MAP3K13: variants seen among roughly 807,000 people sequenced by gnomAD.
The protein encoded by MAP3K13 is leucine zipper-bearing kinase.
A neutral mutation model predicts 104.0 loss-of-function variants in MAP3K13; 52 were observed. The observed-to-expected ratio is 0.50, with a 90% confidence interval of 0.40 to 0.63. The LOEUF is 0.63. Among genes scored for constraint, MAP3K13 ranks in the 20% least tolerant of loss-of-function variants. The pLI is 0.00. For missense variants in MAP3K13, 914 were observed against 1,218.5 expected (o/e 0.75, Z 3.72); for synonymous variants, 394 against 442.2 (o/e 0.89, Z 1.37).
Position 185,355,466 on chromosome 3 carries a change from CAAA to C in MAP3K13, c.-86+69839_-86+69841del, listed in dbSNP as rs10554957. Among the ~76,000 whole-genome samples the C allele has an allele frequency of 3.6e-3, 488 of 135,938 alleles. 3 individuals are homozygous for C. The highest frequency in any genetic ancestry group is 9.6e-3 in the African/African-American group (346 of 35,992). 89.2% of individuals were successfully genotyped at this position (135,938 alleles called of 152,430 possible). On this transcript the variant is annotated intron_variant, in intron 2 of 14. Transcript: ENST00000424227. ...TGGGTGTCAGAGCGAAACTCTGTCT[CAAA>C]AAAAAAAAAAAAAAATTAGCCGGAC...
chr3:185,457,084 A>G (rs1353648552), intron 7 of MAP3K13, among the ~76,000 whole-genome samples: 1 of 152,132 alleles, frequency 6.6e-6, no homozygotes, highest in Non-Finnish European at 1.5e-5. Context: ...CCAGTCACAC[A>G]TTTTGAGAAC....
intron 2 of MAP3K13, among the ~76,000 whole-genome samples, chr3:185,310,846 AT>A (rs1441400950): frequency 6.6e-6 from 1 of 152,090 alleles, no homozygotes; most frequent in Non-Finnish European, 1.5e-5. Flanking sequence ...TATCATTGCC[AT>A]TTTTCTTTGT....
Position 185,482,732 on chromosome 3 carries a change from T to C in MAP3K13, c.*276T>C. 2 of 343,006 alleles carry C rather than the reference T, an allele frequency of 5.8e-6. No homozygotes were observed. The highest frequency in any genetic ancestry group is 7.0e-5 in the South Asian group (1 of 14,240). The allele number at this position is 343,006 out of a possible 1,614,324, so 21.2% of individuals were successfully genotyped here. On this transcript the variant is annotated 3_prime_UTR_variant, in exon 14 of 14. Coordinates refer to ENST00000265026, the MANE Select transcript of MAP3K13 (RefSeq NM_004721.5). The surrounding 1 kb of genome is among the most constrained non-coding windows in gnomAD (Gnocchi z 4.5). ...TATTCTAGCTACTGTAACATTGATA[T>C]TTATTTTTGTTTGACATTTTAACAC...
At position 185,395,353 on chromosome 3, in the gene MAP3K13, A is replaced by ATGTCTTTTTTTT. The variant is rs1560083056; in HGVS notation, c.-86+31986_-86+31987insGTCTTTTTTTTT. Among the ~76,000 whole-genome samples the ATGTCTTTTTTTT allele has an allele frequency of 9.1e-3, 167 of 18,448 alleles. 3 individuals are homozygous for ATGTCTTTTTTTT. The highest frequency in any genetic ancestry group is 0.028 in the African/African-American group (157 of 5,622). The allele number at this position is 18,448 out of a possible 152,430, so 12.1% of individuals were successfully genotyped here. On this transcript the variant is annotated intron_variant, in intron 1 of 13. Coordinates refer to ENST00000265026, the MANE Select transcript of MAP3K13 (RefSeq NM_004721.5). ...CAACAGGCATTTCTAATTCAATATT[A>ATGTCTTTTTTTT]TTTCTTTTTTTTTTTTTTTTTTTGA... is the stretch of plus-strand genomic sequence containing the variant.
intron 1 of MAP3K13, among the ~76,000 whole-genome samples, chr3:185,411,774 G>C (rs1293162408): frequency 7.4e-6 from 1 of 135,542 alleles, no homozygotes; most frequent in Non-Finnish European, 1.5e-5. Flanking sequence ...AAGGGAGGCA[G>C]TTATGTCTTT....
At chr3:185,296,250 A>G (rs1044699838) in intron 2 of MAP3K13, among the ~76,000 whole-genome samples, 8 of 152,114 alleles carry the variant, frequency 5.3e-5, no homozygotes, top group Admixed American at 4.6e-4. Flanking sequence ...TCTCAAACAC[A>G]CAAACCAAAA....
intron 2 of MAP3K13, among the ~76,000 whole-genome samples, chr3:185,288,534 T>TG (rs57631600): frequency 5.1e-4 from 75 of 148,030 alleles, no homozygotes; most frequent in African/African-American, 9.3e-4. Context: ...GTGTGTGTGT[T>TG]TGTGTGTATA....
At chr3:185,461,663 A>G (rs1717111943) in intron 7 of MAP3K13, among the ~76,000 whole-genome samples, 1 of 152,020 alleles carries the variant, frequency 6.6e-6, no homozygotes, top group African/African-American at 2.4e-5. Context: ...CCCGGGTTCA[A>G]GCGGTTCTCC....
intron 2 of MAP3K13, among the ~76,000 whole-genome samples, chr3:185,430,412 G>T (rs1013776953): frequency 2.0e-5 from 3 of 151,994 alleles, no homozygotes; most frequent in Admixed American, 6.6e-5. Flanking sequence ...TCATCACTCA[G>T]TATCCAATAG....
At chr3:185,288,318 G>GTATA in intron 2 of MAP3K13, among the ~76,000 whole-genome samples, 1 of 151,868 alleles carries the variant, frequency 6.6e-6, no homozygotes, top group Non-Finnish European at 1.5e-5. Flanking sequence ...GTATGTGTGT[G>GTATA]TATATATGTG....
intron 2 of MAP3K13, among the ~76,000 whole-genome samples, chr3:185,333,652 G>C (rs1409997650): frequency 6.6e-6 from 1 of 152,152 alleles, no homozygotes; most frequent in Non-Finnish European, 1.5e-5. Flanking sequence ...CCAACATTTT[G>C]AGAGGCTGAG....
In MAP3K13 at chr3:185,382,354, A is replaced by G. The variant is rs544665440; in HGVS notation, c.-86+18986A>G. ...TATCTTACTCATCTATTTTCGGACC[A>G]TGGTTGACCAAGGTAACTGAAACTG... On this transcript the variant is annotated intron_variant, in intron 1 of 13. Transcript: ENST00000265026. Among the ~76,000 whole-genome samples, 4 of 152,330 alleles carry G rather than the reference A, an allele frequency of 2.6e-5. No homozygotes were observed. The South Asian group carries it at 8.3e-4, about 32-fold the overall frequency.
At chr3:185,316,286 G>GTTACAAAGAAATAGTTACAAACAAA (rs1201737745) in intron 2 of MAP3K13, among the ~76,000 whole-genome samples, 1 of 152,102 alleles carries the variant, frequency 6.6e-6, no homozygotes, top group Non-Finnish European at 1.5e-5. Flanking sequence ...GTAAAGGTTA[G>GTTACAAAGAAATAGTTACAAACAAA]GAAATAGTTA....
At chr3:185,394,665 A>G (rs1712273847) in intron 1 of MAP3K13, among the ~76,000 whole-genome samples, 1 of 152,200 alleles carries the variant, frequency 6.6e-6, no homozygotes, top group Non-Finnish European at 1.5e-5. Flanking sequence ...CATCTCATGG[A>G]ATTTTCAGCC....
chr3:185,283,455 T>G (rs1577390639), intron 1 of MAP3K13, among the ~76,000 whole-genome samples: 1 of 152,092 alleles, frequency 6.6e-6, no homozygotes, highest in South Asian at 2.1e-4. Context: ...CAAGTAGGCA[T>G]GCTTTAGATG....
chr3:185,318,273 T>C (rs1466460759), intron 2 of MAP3K13, among the ~76,000 whole-genome samples: 1 of 152,218 alleles, frequency 6.6e-6, no homozygotes, highest in African/African-American at 2.4e-5. Context: ...GCGTCTGTGG[T>C]ATGTTATCCT....
intron 2 of MAP3K13, among the ~76,000 whole-genome samples, chr3:185,346,038 ATCTAT>A (rs1722908927): frequency 6.6e-6 from 1 of 152,212 alleles, no homozygotes; most frequent in Non-Finnish European, 1.5e-5. Flanking sequence ...AATATTTAAA[ATCTAT>A]TCTAGCAATT....
At chr3:185,285,672 G>T (rs1468789985) in intron 2 of MAP3K13, 1 of 1,526,002 alleles carries the variant, frequency 6.6e-7, no homozygotes, top group Admixed American at 2.0e-5. Flanking sequence ...TTTATGTTTG[G>T]TGAGATGGTA....
chr3:185,344,759 C>G (rs1722853280), intron 2 of MAP3K13, among the ~76,000 whole-genome samples: 1 of 152,206 alleles, frequency 6.6e-6, no homozygotes, highest in African/African-American at 2.4e-5. Context: ...CCCACAGTGG[C>G]TGTTGAAACC....
Sources: gnomAD v4.1 joint callset for allele counts (sites outside exome capture counted in the v4.1 genomes callset) on GRCh38, gnomAD v4.1.1 for gene constraint, Gnocchi (gnomAD v3.1) non-coding constraint, MANE v1.5 for transcripts, NCBI Gene and HGNC (gene_info 2026-07-23, HGNC 2026-07-21) for gene names.